AGBL4: variants seen among roughly 807,000 people sequenced by gnomAD.
The protein encoded by AGBL4 is AGBL carboxypeptidase 4.
A neutral mutation model predicts 66.4 loss-of-function variants in AGBL4; 58 were observed. The observed-to-expected ratio is 0.87, with a 90% CI of 0.71 to 1.09. The LOEUF is 1.09. Ranked by LOEUF, AGBL4 falls within the 50% of genes least tolerant of loss-of-function variation. The pLI is 0.00. For synonymous variants in AGBL4, 234 were observed against 222.9 expected, an observed-to-expected ratio of 1.05 and a Z score of -0.44; for missense variants, 579 against 631.0, an observed-to-expected ratio of 0.92 and a Z score of 0.88.
chr1:48,700,731 C>T (rs776927480), intron 6 of AGBL4, among the ~76,000 whole-genome samples: 3 of 152,180 alleles, frequency 2.0e-5, no homozygotes, highest in Non-Finnish European at 2.9e-5. Flanking sequence ...CACCATGTGC[C>T]ACAGACCTCA....
chr1:48,882,430 A>G (rs1339787788), intron 5 of AGBL4, among the ~76,000 whole-genome samples: 1 of 152,206 alleles, frequency 6.6e-6, no homozygotes, highest in Non-Finnish European at 1.5e-5. Flanking sequence ...ATATATTTAC[A>G]GTGTATAATA....
At chr1:48,910,586 G>A (rs936535215) in intron 5 of AGBL4, among the ~76,000 whole-genome samples, 5 of 151,940 alleles carry the variant, frequency 3.3e-5, no homozygotes, top group African/African-American at 4.8e-5. Context: ...ACCAAATTTA[G>A]GAACTTCACA....
In AGBL4 at chr1:48,783,731, C is replaced by T. The variant is rs1459611577; in HGVS notation, c.634+83460G>A. Among the ~76,000 whole-genome samples the T allele has an allele frequency of 2.6e-5, 4 of 152,086 alleles. No individual in the cohort carries two copies. The East Asian group carries it at 7.7e-4, about 29-fold the overall frequency. ...TCCCCAGGTCCTATCCCCTGAGACC[C>T]TGATTCAATTGGTTTGGGATGGGGC... On this transcript the variant is annotated intron_variant, in intron 6 of 13. Transcript: ENST00000371839.
chr1:49,793,102 C>T (rs149298525), intron 2 of AGBL4, among the ~76,000 whole-genome samples: 133 of 152,128 alleles, frequency 8.7e-4, no homozygotes, highest in African/African-American at 3.1e-3. Context: ...ATTCAAAGCA[C>T]TCTTCATCAC....
intron 4 of AGBL4, among the ~76,000 whole-genome samples, chr1:49,129,744 T>C (rs1644196663): frequency 6.6e-6 from 1 of 152,214 alleles, no homozygotes; most frequent in Non-Finnish European, 1.5e-5. Context: ...TCCAAGTCTT[T>C]GCTGTTGTGA....
intron 3 of AGBL4, among the ~76,000 whole-genome samples, chr1:49,661,547 T>C (rs993229351): frequency 6.6e-6 from 1 of 152,176 alleles, no homozygotes; most frequent in Non-Finnish European, 1.5e-5. Flanking sequence ...CCTTCTGCCA[T>C]GTAAGCTTCC....
At chr1:48,858,695 C>T (rs943507007) in intron 6 of AGBL4, among the ~76,000 whole-genome samples, 2 of 152,120 alleles carry the variant, frequency 1.3e-5, no homozygotes, top group African/African-American at 2.4e-5. Flanking sequence ...TTGAGAATGA[C>T]TGCCAGTCGG....
At chr1:49,160,198 G>C (rs537352066) in intron 4 of AGBL4, among the ~76,000 whole-genome samples, 1 of 152,200 alleles carries the variant, frequency 6.6e-6, no homozygotes, top group African/African-American at 2.4e-5. Context: ...CCTTCTTCAC[G>C]GATTTATCTA....
chr1:49,494,041 C>T (rs547464554), intron 3 of AGBL4, among the ~76,000 whole-genome samples: 1 of 152,020 alleles, frequency 6.6e-6, no homozygotes, highest in South Asian at 2.1e-4. Flanking sequence ...CTGCTCCCTT[C>T]CCTCTAGAGC....
intron 3 of AGBL4, among the ~76,000 whole-genome samples, chr1:49,501,198 G>C (rs558464657): frequency 6.6e-6 from 1 of 152,084 alleles, no homozygotes; most frequent in East Asian, 1.9e-4. Flanking sequence ...TCACTGTTGG[G>C]GTATAGCAGT....
rs148084049 is a variant in AGBL4 at position 49,013,850 on chromosome 1, T to C, written c.594+31734A>G. Among the ~76,000 whole-genome samples the C allele has an allele frequency of 1.5e-3, 232 of 152,324 alleles. 4 individuals carry two copies. The highest frequency in any genetic ancestry group is 5.4e-3 in the African/African-American group (224 of 41,578). On this transcript the variant is annotated intron_variant, in intron 5 of 13. Coordinates refer to ENST00000371839, the MANE Select transcript of AGBL4 (RefSeq NM_032785.4). Reference sequence around the variant, plus strand: ...AAGTACATGGCGTCCAGGTTCCTTATACCTAAAAATGGGATCATTCTTTCA... The same window carrying C: ...AAGTACATGGCGTCCAGGTTCCTTACACCTAAAAATGGGATCATTCTTTCA...
chr1:48,857,751 A>G, intron 6 of AGBL4, among the ~76,000 whole-genome samples: 1 of 152,162 alleles, frequency 6.6e-6, no homozygotes, highest in Middle Eastern at 3.2e-3. Context: ...ATAGGAGTAC[A>G]TTTTGAACCT....
chr1:49,867,128 GCTGT>G (rs1646720949), intron 1 of AGBL4, among the ~76,000 whole-genome samples: 1 of 152,096 alleles, frequency 6.6e-6, no homozygotes, highest in South Asian at 2.1e-4. Context: ...CCTTTAGGAT[GCTGT>G]CTGTGACCTT....
intron 4 of AGBL4, among the ~76,000 whole-genome samples, chr1:49,156,190 C>A (rs1569861363): frequency 6.6e-6 from 1 of 152,186 alleles, no homozygotes; most frequent in African/African-American, 2.4e-5. Context: ...AGCTCCCTAT[C>A]TTACATTTGC....
At chr1:48,615,345 A>G (rs1345387373) in intron 9 of AGBL4, among the ~76,000 whole-genome samples, 2 of 152,164 alleles carry the variant, frequency 1.3e-5, no homozygotes, top group South Asian at 2.1e-4. Context: ...CATCTTGGGA[A>G]GGAAGCTGCA....
intron 4 of AGBL4, among the ~76,000 whole-genome samples, chr1:49,108,186 C>T (rs1377135743): frequency 5.3e-5 from 8 of 152,178 alleles, no homozygotes; most frequent in Admixed American, 3.9e-4. Flanking sequence ...TCAGAATGTT[C>T]GTATATATTC....
intron 4 of AGBL4, among the ~76,000 whole-genome samples, chr1:49,165,079 T>C (rs953573945): frequency 2.0e-5 from 3 of 152,056 alleles, no homozygotes; most frequent in Admixed American, 1.3e-4. Flanking sequence ...TTCCAGACAA[T>C]GACATGTCCA....
intron 1 of AGBL4, among the ~76,000 whole-genome samples, chr1:49,889,907 T>C (rs1648465211): frequency 6.6e-6 from 1 of 152,164 alleles, no homozygotes; most frequent in Non-Finnish European, 1.5e-5. Context: ...GATGAATAAG[T>C]GATTAAATTA....
At chr1:49,607,435 G>A (rs1329352967) in intron 3 of AGBL4, among the ~76,000 whole-genome samples, 1 of 152,084 alleles carries the variant, frequency 6.6e-6, no homozygotes. Context: ...TCCTCAAAAT[G>A]AGCCCTGCAT....
Sources: gnomAD v4.1 joint callset for allele counts (sites outside exome capture counted in the v4.1 genomes callset) on GRCh38, gnomAD v4.1.1 for gene constraint, MANE v1.5 for transcripts, NCBI Gene and HGNC (gene_info 2026-07-23, HGNC 2026-07-21) for gene names.